TM2D1: variants seen among roughly 807,000 people sequenced by gnomAD.
TM2D1 encodes the protein TM2 domain-containing protein 1.
In TM2D1, 15 loss-of-function variants were observed where a neutral mutation model predicts 28.4. The observed-to-expected ratio is 0.53, with a 90% CI of 0.35 to 0.81. TM2D1 has a LOEUF of 0.81. Among genes scored for constraint, TM2D1 ranks in the 40% least tolerant of loss-of-function variants. The probability of loss-of-function intolerance (pLI) is 0.01; values close to 1 mark genes in which losing one functional copy is unlikely to be tolerated. For synonymous variants in TM2D1, 93 were observed against 96.2 expected (o/e 0.97, Z 0.20); for missense variants, 236 against 254.9 (o/e 0.93, Z 0.50).
intron 3 of TM2D1, among the ~76,000 whole-genome samples, chr1:61,703,207 G>A (rs985990996): frequency 6.7e-6 from 1 of 150,178 alleles, no homozygotes; most frequent in African/African-American, 2.4e-5. Flanking sequence ...TCCCATTGTT[G>A]TGCCTAATGA....
At chr1:61,710,189 C>A (rs2148057624) in intron 2 of TM2D1, among the ~76,000 whole-genome samples, 1 of 151,966 alleles carries the variant, frequency 6.6e-6, no homozygotes, top group African/African-American at 2.4e-5. Context: ...TGCCTATAAT[C>A]CCAGCACTTT....
chr1:61,690,148 TC>T (rs1644313076), intron 5 of TM2D1, among the ~76,000 whole-genome samples: 1 of 152,120 alleles, frequency 6.6e-6, no homozygotes, highest in Admixed American at 6.6e-5. Flanking sequence ...GAAGTAATTT[TC>T]CATGGTTTAG....
intron 4 of TM2D1, chr1:61,699,911 C>T (rs1644389876): frequency 3.2e-6 from 1 of 316,176 alleles, no homozygotes; most frequent in Non-Finnish European, 5.6e-6. Flanking sequence ...GTATAGCTGT[C>T]AGAAATATAT....
intron 2 of TM2D1, among the ~76,000 whole-genome samples, chr1:61,720,448 G>A (rs1378588776): frequency 1.3e-5 from 2 of 152,006 alleles, no homozygotes; most frequent in East Asian, 3.9e-4. Flanking sequence ...CGCCATGTTT[G>A]CCAGACTGGT....
chr1:61,719,059 TG>T (rs912228100), intron 2 of TM2D1, among the ~76,000 whole-genome samples: 1 of 152,182 alleles, frequency 6.6e-6, no homozygotes, highest in African/African-American at 2.4e-5. Flanking sequence ...TTCATTTTTT[TG>T]TTTTATTTTT....
chr1:61,721,941 T>A (rs1644570601), intron 2 of TM2D1, among the ~76,000 whole-genome samples: 1 of 113,314 alleles, frequency 8.8e-6, no homozygotes, highest in Non-Finnish European at 1.7e-5. Context: ...GAGACCCTCA[T>A]CTCTACAGCT....
chr1:61,700,502 A>C (rs1644393623), intron 4 of TM2D1, among the ~76,000 whole-genome samples: 1 of 152,242 alleles, frequency 6.6e-6, no homozygotes, highest in South Asian at 2.1e-4. Context: ...GGATCACCAA[A>C]GTTCCAACCC....
intron 5 of TM2D1, chr1:61,686,705 C>A: frequency 1.5e-6 from 1 of 654,858 alleles, no homozygotes; most frequent in Non-Finnish European, 1.9e-6. Context: ...TTTTAAGCAC[C>A]CACATACACA....
chr1:61,720,505 G>C (rs1296901305), intron 2 of TM2D1, among the ~76,000 whole-genome samples: 2 of 152,120 alleles, frequency 1.3e-5, no homozygotes, highest in Non-Finnish European at 2.9e-5. Flanking sequence ...GCCTCCCAAA[G>C]TGATGGGATT....
At chr1:61,695,594 C>T (rs1194291705) in intron 4 of TM2D1, among the ~76,000 whole-genome samples, 2 of 151,946 alleles carry the variant, frequency 1.3e-5, no homozygotes, top group East Asian at 1.9e-4. Context: ...AATGTAGTTC[C>T]ATATATCAAC....
intron 3 of TM2D1, among the ~76,000 whole-genome samples, chr1:61,704,353 G>T (rs1361217342): frequency 6.6e-6 from 1 of 152,108 alleles, no homozygotes; most frequent in Non-Finnish European, 1.5e-5. Context: ...AAGAAGCAAA[G>T]AAATAGGAAT....
chr1:61,685,643 G>T (rs574199366), intron 5 of TM2D1, among the ~76,000 whole-genome samples: 1 of 152,200 alleles, frequency 6.6e-6, no homozygotes, highest in Non-Finnish European at 1.5e-5. Flanking sequence ...AAGCACATGT[G>T]TGCCACACAC....
At chr1:61,706,425 T>G (rs1266498704) in intron 3 of TM2D1, among the ~76,000 whole-genome samples, 1 of 151,988 alleles carries the variant, frequency 6.6e-6, no homozygotes, top group Admixed American at 6.6e-5. Context: ...CTCAAACTCC[T>G]GAGCTCAAGC....
intron 5 of TM2D1, among the ~76,000 whole-genome samples, chr1:61,690,355 G>T (rs938825591): frequency 4.0e-5 from 6 of 150,950 alleles, no homozygotes; most frequent in Non-Finnish European, 7.4e-5. Flanking sequence ...TACTCAGGAG[G>T]CTGAGGGATG....
intron 3 of TM2D1, among the ~76,000 whole-genome samples, chr1:61,706,869 T>C (rs1644445653): frequency 1.1e-5 from 1 of 87,594 alleles, no homozygotes; most frequent in Non-Finnish European, 3.1e-5. Flanking sequence ...AAAGAAATAG[T>C]AAACTTTATT....
At position 61,701,003 on chromosome 1, in the gene TM2D1, C is replaced by T. The variant is rs1296647800; in HGVS notation, c.370G>A (p.Ala124Thr). The change falls in exon 4 of 7, where the codon GCA becomes ACA. Residue 124 changes from alanine to threonine, a missense_variant. Around this residue, in one of 3 missense-constraint regions of TM2D1, gnomAD observed 167 missense variants for 162.7 expected, o/e 1.03. Transcript: ENST00000606498. ...CCAAGAAAAAGAGACAATGCGACTG[C>T]CACTTTGTAGGAATAGCCATTTCTG... The part of the protein sequence containing the change: ...RNVNGYSYKV[A>T]VALSLFLGWL... The T allele has an allele frequency of 6.2e-7, 1 of 1,610,644 alleles. No individual in the cohort carries two copies. Among genetic ancestry groups the T allele is most frequent in the South Asian group, 1.1e-5 (1 of 90,372 alleles).
intron 5 of TM2D1, chr1:61,683,779 T>C: frequency 3.4e-6 from 1 of 294,220 alleles, no homozygotes; most frequent in South Asian, 5.2e-5. Context: ...CTGAATTCTG[T>C]GCTCCCTGAG....
intron 4 of TM2D1, chr1:61,700,182 A>C: frequency 6.5e-7 from 1 of 1,535,352 alleles, no homozygotes; most frequent in Non-Finnish European, 8.8e-7. Flanking sequence ...CCTATCCATA[A>C]AACAAAGATG....
intron 5 of TM2D1, among the ~76,000 whole-genome samples, chr1:61,686,206 A>G (rs966456608): frequency 6.6e-6 from 1 of 152,232 alleles, no homozygotes; most frequent in African/African-American, 2.4e-5. Context: ...AATGTCTTCT[A>G]TAAGATTTAG....
Sources: allele counts gnomAD v4.1 joint callset (sites outside exome capture counted in the v4.1 genomes callset), GRCh38; gene constraint gnomAD v4.1.1; regional missense constraint gnomAD v4.1.1; transcripts MANE v1.5; gene names NCBI Gene and HGNC (gene_info 2026-07-23, HGNC 2026-07-21).